TSGA10IP: variants seen among roughly 807,000 people sequenced by gnomAD.
The protein encoded by TSGA10IP is testis-specific protein 10-interacting protein.
TSGA10IP carries 64 observed loss-of-function variants against 63.2 expected under a neutral mutation model. That is an observed-to-expected ratio of 1.01 (90% CI 0.83 to 1.25). TSGA10IP has a LOEUF of 1.25. TSGA10IP is among the 50% of genes most tolerant of loss of function. The pLI, the probability that TSGA10IP is intolerant of heterozygous loss-of-function variation, is 0.00. For missense variants in TSGA10IP, 681 were observed against 710.1 expected, an observed-to-expected ratio of 0.96 and a Z score of 0.47; for synonymous variants, 316 against 298.3, an observed-to-expected ratio of 1.06 and a Z score of -0.61.
At chr11:65,952,804 G>A (rs1386952768) in intron 4 of TSGA10IP, among the ~76,000 whole-genome samples, 1 of 152,002 alleles carries the variant, frequency 6.6e-6, no homozygotes, top group Non-Finnish European at 1.5e-5. Flanking sequence ...GGGGTTACAG[G>A]TGTGAGCCAC....
intron 6 of TSGA10IP, 58 bp downstream of exon 6, chr11:65,959,040 G>A: frequency 6.3e-7 from 1 of 1,594,978 alleles, no homozygotes; most frequent in Non-Finnish European, 8.6e-7. Flanking sequence ...TGGCTGAGTG[G>A]GTAGGGAAGC....
intron 4 of TSGA10IP, 36 bp downstream of exon 4, chr11:65,948,184 G>A: frequency 6.3e-7 from 1 of 1,578,940 alleles, no homozygotes; most frequent in Non-Finnish European, 8.6e-7. Flanking sequence ...AGCCCAGAAT[G>A]AGAAGTAGAG....
downstream of TSGA10IP, chr11:65,959,965 AAC>A (rs1263344681): frequency 3.1e-6 from 5 of 1,611,712 alleles, no homozygotes; most frequent in African/African-American, 6.7e-5. Flanking sequence ...CTTTATGGCA[AAC>A]ACAGTATGAG....
chr11:65,953,469 T>TC, intron 4 of TSGA10IP, 98 bp from the exon 5 acceptor site: 1 of 1,440,950 alleles, frequency 6.9e-7, no homozygotes, highest in Admixed American at 2.5e-5. Context: ...CTGCAGCCCC[T>TC]CCCCACAGGC....
chr11:65,959,215 G>C lies in TSGA10IP; in HGVS notation c.1448G>C (p.Arg483Pro), dbSNP rs377217355. 48 of 1,606,344 alleles carry C rather than the reference G, an allele frequency of 3.0e-5. 1 individual carries two copies. In the East Asian group the frequency reaches 3.8e-4, roughly 13 times the overall value. ...GCCAATGCCCGGCTCACCGTCACTC[G>C]GCGCTTCTCCCAGGTGCTGTCAGCA... Residue 483 changes from arginine (R) to proline (P), a missense_variant, in exon 7 of 8, where the codon CGG (arginine) becomes CCG (proline). Transcript: ENST00000532620.
exon 3 of TSGA10IP, chr11:65,947,704 G>C (rs1854866608): frequency 1.3e-6 from 2 of 1,598,812 alleles, no homozygotes; most frequent in Non-Finnish European, 1.7e-6. Flanking sequence ...GCCAGAGCCA[G>C]GGGAGCAGCC....
chr11:65,959,197 C>A, exon 7 of TSGA10IP: 1 of 1,604,192 alleles, frequency 6.2e-7, no homozygotes, highest in Non-Finnish European at 8.5e-7. Context: ...CAGGCCAATG[C>A]CCGGCTCACC....
At position 65,955,911 on chromosome 11, in the gene TSGA10IP, C is replaced by G. The variant is rs148635876; in HGVS notation, c.1322+2174C>G. 1.3e-3 allele frequency among the ~76,000 whole-genome samples: 198 copies of G among 152,292 alleles called. 1 individual carries two copies. Among genetic ancestry groups the G allele is most frequent in the African/African-American group, 4.6e-3 (190 of 41,552 alleles). ...TAGACGAAAGGCACCAGGACCTTCC[C>G]CCAAGAGCCCAAACCAATGACACAT... On this transcript the variant is annotated intron_variant, in intron 5 of 7. Transcript: ENST00000532620.
At chr11:65,947,797 G>C (rs1415923534) in exon 3 of TSGA10IP, 3 of 1,574,906 alleles carry the variant, frequency 1.9e-6, no homozygotes, top group Non-Finnish European at 2.6e-6. Flanking sequence ...TGGAGAAGCT[G>C]CACAGGCAGC....
intron 4 of TSGA10IP, among the ~76,000 whole-genome samples, chr11:65,949,203 C>T (rs1454849286): frequency 6.6e-6 from 1 of 152,026 alleles, no homozygotes; most frequent in Non-Finnish European, 1.5e-5. Context: ...GCCTCTGTTT[C>T]TAAAGCAAAG....
chr11:65,954,196 C>T (rs1304597463), intron 5 of TSGA10IP, among the ~76,000 whole-genome samples: 9 of 148,682 alleles, frequency 6.1e-5, no homozygotes, highest in South Asian at 2.1e-4. Context: ...GACGGAGTCT[C>T]GCTCTGTCGC....
chr11:65,952,349 T>C (rs1234116972), intron 4 of TSGA10IP, among the ~76,000 whole-genome samples: 1 of 152,216 alleles, frequency 6.6e-6, no homozygotes, highest in Non-Finnish European at 1.5e-5. Context: ...TTTTAGCTTT[T>C]GTTGCCTGTG....
At chr11:65,953,033 T>C in intron 4 of TSGA10IP, among the ~76,000 whole-genome samples, 1 of 148,254 alleles carries the variant, frequency 6.7e-6, no homozygotes, top group East Asian at 1.9e-4. Flanking sequence ...TTTCTTTCTT[T>C]TTTTTTTTTT....
intron 4 of TSGA10IP, among the ~76,000 whole-genome samples, chr11:65,950,287 CT>C (rs1467879751): frequency 1.3e-5 from 2 of 152,158 alleles, no homozygotes; most frequent in African/African-American, 4.8e-5. Flanking sequence ...TCCTCTCTAA[CT>C]GAAATTTCTT....
Position 65,959,218 on chromosome 11 carries a change from G to A in TSGA10IP, c.1451G>A (p.Arg484His), listed in dbSNP as rs752911707. 22 of 1,606,658 alleles carry A rather than the reference G, an allele frequency of 1.4e-5. No individual in the cohort carries two copies. In the South Asian group the frequency reaches 1.8e-4, roughly 13 times the overall value. ...AATGCCCGGCTCACCGTCACTCGGCGCTTCTCCCAGGTGCTGTCAGCACTG... is the reference window on the plus strand; with the variant it reads ...AATGCCCGGCTCACCGTCACTCGGCACTTCTCCCAGGTGCTGTCAGCACTG... Residue 484 changes from arginine to histidine, a missense_variant, in exon 7 of 8, where the codon CGC (arginine) becomes CAC (histidine). Coordinates refer to ENST00000532620, the Ensembl canonical transcript of TSGA10IP.
At chr11:65,952,095 C>A (rs1854953173) in intron 4 of TSGA10IP, among the ~76,000 whole-genome samples, 1 of 152,210 alleles carries the variant, frequency 6.6e-6, no homozygotes, top group South Asian at 2.1e-4. Context: ...CTCAAATGAT[C>A]TGCCCGCCTT....
intron 1 of TSGA10IP, 98 bp downstream of exon 1, chr11:65,945,920 G>A: frequency 7.0e-7 from 1 of 1,432,624 alleles, no homozygotes; most frequent in Non-Finnish European, 9.5e-7. Context: ...CAAGACCTGA[G>A]CTGAGGTCCA....
At chr11:65,950,624 G>T (rs545457093) in intron 4 of TSGA10IP, among the ~76,000 whole-genome samples, 1 of 151,140 alleles carries the variant, frequency 6.6e-6, no homozygotes. Context: ...GTGCAGTGGC[G>T]CGATCTCAGC....
chr11:65,952,827 T>C (rs1170963233), intron 4 of TSGA10IP, among the ~76,000 whole-genome samples: 1 of 149,534 alleles, frequency 6.7e-6, no homozygotes, highest in Non-Finnish European at 1.5e-5. Flanking sequence ...TGCCTGGCCT[T>C]TTTTTTTGGC....
Sources: allele counts gnomAD v4.1 joint callset (sites outside exome capture counted in the v4.1 genomes callset), GRCh38; gene constraint gnomAD v4.1.1; transcripts MANE v1.5; gene names NCBI Gene and HGNC (gene_info 2026-07-23, HGNC 2026-07-21).